HUNK: variants seen among roughly 807,000 people sequenced by gnomAD.
The protein encoded by HUNK is hormonally up-regulated Neu-associated kinase, also known as hormonally up-regulated neu tumor-associated kinase.
In HUNK, 21 loss-of-function variants were observed where a neutral mutation model predicts 61.0. That is an observed-to-expected ratio of 0.34 (90% CI 0.24 to 0.50). The LOEUF (loss-of-function observed/expected upper bound fraction) is 0.50. Among genes scored for constraint, HUNK ranks in the 20% least tolerant of loss-of-function variants. HUNK has a pLI of 0.98. For synonymous variants in HUNK, 371 were observed against 386.1 expected, an observed-to-expected ratio of 0.96 and a Z score of 0.46; for missense variants, 772 against 945.7, an observed-to-expected ratio of 0.82 and a Z score of 2.41.
At chr21:31,877,660 A>T (rs1405281595) in intron 1 of HUNK, among the ~76,000 whole-genome samples, 1 of 152,192 alleles carries the variant, frequency 6.6e-6, no homozygotes, top group African/African-American at 2.4e-5. Flanking sequence ...ACCAAAGTTG[A>T]TGATTAGACC....
intron 3 of HUNK, among the ~76,000 whole-genome samples, chr21:31,941,064 A>G (rs1415268177): frequency 1.3e-5 from 2 of 152,196 alleles, no homozygotes; most frequent in Non-Finnish European, 2.9e-5. Flanking sequence ...AGATTCTCCA[A>G]AACACATCAT....
intron 6 of HUNK, among the ~76,000 whole-genome samples, chr21:31,970,077 G>C (rs1568937950): frequency 1.3e-5 from 2 of 152,130 alleles, no homozygotes; most frequent in Non-Finnish European, 2.9e-5. Context: ...GAGAACCACT[G>C]ACCCAGAGGG....
rs552971652 is a variant in HUNK, at chr21:31,955,749, C to T, written c.747-3094C>T. Among the ~76,000 whole-genome samples, 25 of 152,300 alleles carry T rather than the reference C, an allele frequency of 1.6e-4. No homozygotes were observed. In the South Asian group the frequency reaches 3.3e-3, roughly 20 times the overall value. ...AAATAAAAATTAGAACTGTTGCACC[C>T]GTGAGGATGTGTCTGTGTACCTCAG... On this transcript the variant is annotated intron_variant, in intron 4 of 10. Transcript: ENST00000270112.
intron 7 of HUNK, among the ~76,000 whole-genome samples, chr21:31,980,463 G>T (rs1268000725): frequency 6.8e-6 from 1 of 147,644 alleles, no homozygotes; most frequent in South Asian, 2.2e-4. Context: ...TGCAACCTCC[G>T]CCTCCCAGCT....
intron 1 of HUNK, among the ~76,000 whole-genome samples, chr21:31,887,048 T>G (rs902523722): frequency 6.6e-6 from 1 of 152,234 alleles, no homozygotes; most frequent in Non-Finnish European, 1.5e-5. Flanking sequence ...AAGCGCTGTA[T>G]GTTTCTCTCA....
chr21:31,988,026 G>C (rs58056932), intron 8 of HUNK, among the ~76,000 whole-genome samples: 1 of 152,168 alleles, frequency 6.6e-6, no homozygotes, highest in Non-Finnish European at 1.5e-5. Context: ...ATTCCAGTTC[G>C]TTTTCTCCTA....
In HUNK at chr21:32,000,437, G is replaced by A. The variant is rs1254824552; in HGVS notation, c.*1253G>A. On this transcript the variant is annotated 3_prime_UTR_variant, in exon 11 of 11. Coordinates refer to ENST00000270112, the MANE Select transcript of HUNK (RefSeq NM_014586.2). The stretch of plus-strand genomic sequence containing the variant: ...TCTCCAGTATTGTGTCTGTGCCCCT[G>A]TGTGTGTTTTGTGGACAGCCGTGTT... The A allele has an allele frequency of 4.8e-5, 19 of 399,034 alleles. No homozygotes were observed. In the Middle Eastern group the frequency reaches 2.5e-3, roughly 52 times the overall value. The allele number at this position is 399,034 out of a possible 1,614,324, so 24.7% of individuals were successfully genotyped here.
Position 31,983,591 on chromosome 21 carries a change from C to T in HUNK, c.1239C>T (p.Ala413=). The T allele has an allele frequency of 1.2e-6, 2 of 1,613,326 alleles. No individual in the cohort carries two copies. Among genetic ancestry groups the T allele is most frequent in the Non-Finnish European group, 1.7e-6 (2 of 1,179,624 alleles). Residue 413 remains alanine (A), a synonymous_variant, in exon 8 of 11, where the codon GCC becomes GCT. Coordinates refer to ENST00000270112, the MANE Select transcript of HUNK (RefSeq NM_014586.2). The stretch of plus-strand genomic sequence containing the variant: ...TCTACCAGATAGAAAAGTACAGGGC[C>T]CCCAAGGAGTCCTATGAGGTGAGTG... ...TRLYQIEKYR[A]PKESYEASLD... is the part of the protein sequence containing the mutation.
chr21:31,907,350 T>C (rs531491518), intron 1 of HUNK, among the ~76,000 whole-genome samples: 1 of 152,318 alleles, frequency 6.6e-6, no homozygotes, highest in East Asian at 1.9e-4. Context: ...AATGGGGTTA[T>C]AGGAAATAGA....
chr21:31,883,190 G>T (rs1489372525), intron 1 of HUNK, among the ~76,000 whole-genome samples: 1 of 151,938 alleles, frequency 6.6e-6, no homozygotes, highest in African/African-American at 2.4e-5. Context: ...TGCCATAGAG[G>T]TTGGCAATTT....
chr21:31,932,175 C>T (rs1007033610), intron 2 of HUNK, among the ~76,000 whole-genome samples: 2 of 152,240 alleles, frequency 1.3e-5, no homozygotes, highest in African/African-American at 4.8e-5. Flanking sequence ...TACTTACACA[C>T]TCGGGCGTAA....
rs1034183611 is a variant in HUNK, at chr21:31,896,350, G to C, written c.261+22415G>C. ...GATTCACGAGACCACTTTCTAATGG[G>C]ATCCTCCTCTTCAGTAACTTTTTCC... is the stretch of plus-strand genomic sequence containing the variant. On this transcript the variant is annotated intron_variant, in intron 1 of 10. Coordinates refer to ENST00000270112, the MANE Select transcript of HUNK (RefSeq NM_014586.2). 2.0e-5 allele frequency among the ~76,000 whole-genome samples: 3 copies of C among 152,170 alleles called. No individual in the cohort carries two copies. In the East Asian group the frequency reaches 5.8e-4, roughly 29 times the overall value.
intron 8 of HUNK, among the ~76,000 whole-genome samples, chr21:31,984,235 G>T (rs933735240): frequency 6.6e-6 from 1 of 152,072 alleles, no homozygotes; most frequent in African/African-American, 2.4e-5. Context: ...AGAGAATTTT[G>T]AATGTTCCCA....
rs1601381269 is a variant in HUNK, at chr21:31,924,873, A to G, written c.554+113A>G. ...CTGAGCAATTGCAGCCTGTTTTACAATTTGTCTATATTTTAATTTTATTTA... is the reference window on the plus strand; with the variant it reads ...CTGAGCAATTGCAGCCTGTTTTACAGTTTGTCTATATTTTAATTTTATTTA... On this transcript the variant is annotated intron_variant, in intron 2 of 10. Coordinates refer to ENST00000270112, the MANE Select transcript of HUNK (RefSeq NM_014586.2). This position sits in a 1 kb window ranked among gnomAD's most constrained non-coding sequence, Gnocchi z 5.1. The G allele has an allele frequency of 3.9e-6, 3 of 766,266 alleles. No homozygotes were observed. Among genetic ancestry groups the G allele is most frequent in the Non-Finnish European group, 4.0e-6 (2 of 501,320 alleles). 47.5% of individuals were successfully genotyped at this position (766,266 alleles called of 1,614,324 possible).
At chr21:31,881,376 C>T (rs759471884) in intron 1 of HUNK, among the ~76,000 whole-genome samples, 1 of 152,136 alleles carries the variant, frequency 6.6e-6, no homozygotes, top group African/African-American at 2.4e-5. Flanking sequence ...CGTGTAATCC[C>T]AGCACTTTGG....
At chr21:31,909,432 G>A (rs931098170) in intron 1 of HUNK, among the ~76,000 whole-genome samples, 5 of 152,204 alleles carry the variant, frequency 3.3e-5, no homozygotes, top group South Asian at 2.1e-4. Flanking sequence ...CCAGCCCTGC[G>A]TTGGGAGCTG....
At chr21:31,883,436 G>A (rs965312508) in intron 1 of HUNK, among the ~76,000 whole-genome samples, 2 of 152,096 alleles carry the variant, frequency 1.3e-5, no homozygotes, top group Admixed American at 1.3e-4. Flanking sequence ...TCTGTTCATT[G>A]TTCATGTCCA....
At chr21:31,984,694 C>G (rs892026964) in intron 8 of HUNK, among the ~76,000 whole-genome samples, 7 of 152,160 alleles carry the variant, frequency 4.6e-5, no homozygotes, top group African/African-American at 1.7e-4. Context: ...AGCCTCAGGG[C>G]CCCTCATTCA....
rs190570371 is a variant in HUNK at position 31,895,844 on chromosome 21, G to T, written c.261+21909G>T. Reference sequence around the variant, plus strand: ...CCTGACAAGTCTTGTATCTGTCAAGGTGTTTGCTATGGGCTGAATTATGAC... The same window carrying T: ...CCTGACAAGTCTTGTATCTGTCAAGTTGTTTGCTATGGGCTGAATTATGAC... On this transcript the variant is annotated intron_variant, in intron 1 of 10. Transcript: ENST00000270112. 1.4e-3 allele frequency among the ~76,000 whole-genome samples: 212 copies of T among 152,296 alleles called. 1 individual carries two copies. The highest frequency in any genetic ancestry group is 1.7e-3 in the Non-Finnish European group (119 of 68,028).
Sources: gnomAD v4.1 joint callset for allele counts (sites outside exome capture counted in the v4.1 genomes callset) on GRCh38, gnomAD v4.1.1 for gene constraint, Gnocchi (gnomAD v3.1) non-coding constraint, MANE v1.5 for transcripts, NCBI Gene and HGNC (gene_info 2026-07-23, HGNC 2026-07-21) for gene names.